The following SEC24A variants were observed in gnomAD, a reference collection of about 807,000 sequenced individuals.
The protein encoded by SEC24A is protein transport protein Sec24A.
A neutral mutation model predicts 129.4 loss-of-function variants in SEC24A; 93 were observed. The ratio of observed to expected loss-of-function variants is 0.72; its 90% CI spans 0.61 to 0.85. SEC24A has a LOEUF of 0.85. SEC24A is among the 40% of genes least tolerant of loss of function. The pLI, the probability that SEC24A is intolerant of heterozygous loss-of-function variation, is 0.00. For synonymous variants in SEC24A, 460 were observed against 467.3 expected, an observed-to-expected ratio of 0.98 and a Z score of 0.20; for missense variants, 1,264 against 1,307.4, an observed-to-expected ratio of 0.97 and a Z score of 0.51.
chr5:134,669,042 A>AG (rs1338232180), intron 3 of SEC24A, among the ~76,000 whole-genome samples: 7 of 151,636 alleles, frequency 4.6e-5, no homozygotes, highest in Non-Finnish European at 8.8e-5. Context: ...ACAGTACTCC[A>AG]GCCTGGGTGA....
At position 134,702,758 on chromosome 5, in the gene SEC24A, TTTG is replaced by T. The variant is rs200426704; in HGVS notation, c.2267-983_2267-981del. On this transcript the variant is annotated intron_variant, in intron 15 of 22. Transcript: ENST00000398844. ...CAAATCACAGTTTAGTTTTTGTTTG[TTTG>T]TTGTTGTTGTTGTTGTTTTTTGAGA... is the stretch of plus-strand genomic sequence containing the variant. 8.5e-3 allele frequency among the ~76,000 whole-genome samples: 1,288 copies of T among 152,076 alleles called. 11 individuals are homozygous for T. Among genetic ancestry groups the T allele is most frequent in the African/African-American group, 0.029 (1,204 of 41,490 alleles).
chr5:134,718,913 T>C (rs1482552831), intron 20 of SEC24A, among the ~76,000 whole-genome samples: 1 of 148,742 alleles, frequency 6.7e-6, no homozygotes, highest in African/African-American at 2.5e-5. Flanking sequence ...GAGGTTGCAG[T>C]GAGCCAAGAT....
chr5:134,703,605 T>C (rs1238163870), intron 15 of SEC24A, among the ~76,000 whole-genome samples, 154 bp from the exon 16 acceptor site: 3 of 152,218 alleles, frequency 2.0e-5, no homozygotes, highest in Non-Finnish European at 2.9e-5. Context: ...CCCACCTTCA[T>C]TTCAAAAGCC....
Position 134,675,026 on chromosome 5 carries a change from TA to T in SEC24A, c.979-15del. The T allele has an allele frequency of 6.5e-7, 1 of 1,546,660 alleles. No individual in the cohort carries two copies. The highest frequency in any genetic ancestry group is 8.7e-7 in the Non-Finnish European group (1 of 1,142,910). ...CACACTTAATAAAAGTTACTTACTT[TA>T]AAATTATGTATCTGTAGACTCCCTT... On this transcript the variant is annotated intron_variant, in intron 5 of 22. Coordinates refer to ENST00000398844, the MANE Select transcript of SEC24A (RefSeq NM_021982.3).
intron 13 of SEC24A, among the ~76,000 whole-genome samples, chr5:134,696,697 A>C (rs1335799035): frequency 6.6e-6 from 1 of 151,818 alleles, no homozygotes; most frequent in African/African-American, 2.4e-5. Context: ...ACGGGGTTTC[A>C]CCATGTTAGC....
intron 17 of SEC24A, among the ~76,000 whole-genome samples, chr5:134,705,801 C>G (rs529047356): frequency 1.3e-5 from 2 of 152,078 alleles, no homozygotes; most frequent in Non-Finnish European, 2.9e-5. Flanking sequence ...ACTTCTTCCT[C>G]CCTCCCTTAC....
At chr5:134,663,547 G>A (rs188614198) in intron 2 of SEC24A, among the ~76,000 whole-genome samples, 8 of 152,306 alleles carry the variant, frequency 5.3e-5, no homozygotes, top group East Asian at 3.9e-4. Context: ...GCCAGGCGTG[G>A]TGGCTCACGC....
chr5:134,718,290 A>G (rs1479302515), intron 20 of SEC24A, 117 bp downstream of exon 20: 2 of 730,228 alleles, frequency 2.7e-6, no homozygotes, highest in Admixed American at 2.2e-5. Flanking sequence ...ATTTTAACCT[A>G]TATACAGTCG....
At chr5:134,662,298 G>C (rs1750497867) in intron 2 of SEC24A, among the ~76,000 whole-genome samples, 1 of 152,012 alleles carries the variant, frequency 6.6e-6, no homozygotes, top group African/African-American at 2.4e-5. Context: ...GGGACTACAG[G>C]TGCCCGCCAC....
chr5:134,670,645 C>A (rs1750822934), intron 3 of SEC24A, among the ~76,000 whole-genome samples: 1 of 152,162 alleles, frequency 6.6e-6, no homozygotes, highest in African/African-American at 2.4e-5. Flanking sequence ...TGTTCTAATT[C>A]ATTTATGTCA....
intron 13 of SEC24A, 116 bp downstream of exon 13, chr5:134,694,049 G>A: frequency 1.3e-6 from 1 of 799,966 alleles, no homozygotes; most frequent in Non-Finnish European, 2.0e-6. Flanking sequence ...GGACTATAAG[G>A]AAGTTAACTT....
Position 134,723,662 on chromosome 5 carries a change from T to G in SEC24A, c.3159T>G (p.Tyr1053Ter). The G allele has an allele frequency of 1.3e-6, 2 of 1,589,006 alleles. No homozygotes were observed. The highest frequency in any genetic ancestry group is 1.7e-6 in the Non-Finnish European group (2 of 1,157,924). Residue 1053 changes from tyrosine to a stop codon, truncating the protein, a stop_gained, in exon 22 of 23, where the codon TAT becomes TAG. Transcript: ENST00000398844. LOFTEE classifies it high-confidence loss of function. The part of the protein sequence containing the change: ...REQRPFFPIL[Y>*]VIRDESPMKA... The stretch of plus-strand genomic sequence containing the variant: ...AGAGACCATTTTTCCCAATACTTTA[T>G]GTAATAAGGTAAGTTGAATTTTCCA...
At chr5:134,654,327 T>A (rs1166358621) in intron 1 of SEC24A, among the ~76,000 whole-genome samples, 2 of 151,750 alleles carry the variant, frequency 1.3e-5, no homozygotes, top group Non-Finnish European at 2.9e-5. Flanking sequence ...GTTCAAGTGA[T>A]TCTCCTGCCT....
Position 134,721,192 on chromosome 5 carries a change from C to A in SEC24A, c.3063+102C>A, listed in dbSNP as rs765143530. 27 of 693,184 alleles carry A rather than the reference C, an allele frequency of 3.9e-5. No homozygotes were observed. The South Asian group carries it at 4.5e-4, about 11-fold the overall frequency. 42.9% of individuals were successfully genotyped at this position (693,184 alleles called of 1,614,324 possible). ...TCAGAAAATAATAACAAAATCATAC[C>A]AAAAATTTTTATTGATGGGTTTTCA... On this transcript the variant is annotated intron_variant, in intron 21 of 22. Transcript: ENST00000398844.
Position 134,680,200 on chromosome 5 carries a change from T to A in SEC24A, c.1381+472T>A, listed in dbSNP as rs115061445. Among the ~76,000 whole-genome samples, 1,159 of 152,352 alleles carry A rather than the reference T, an allele frequency of 7.6e-3. 8 individuals are homozygous for A. The highest frequency in any genetic ancestry group is 0.012 in the South Asian group (58 of 4,830). ...GGAGGAGGAGATTTCTCTCAATAACTATGTCACAGTTTTTATTTGAGGACT... is the reference window on the plus strand; with the variant it reads ...GGAGGAGGAGATTTCTCTCAATAACAATGTCACAGTTTTTATTTGAGGACT... On this transcript the variant is annotated intron_variant, in intron 8 of 22. Transcript: ENST00000398844.
intron 9 of SEC24A, among the ~76,000 whole-genome samples, chr5:134,685,151 C>T (rs185547390): frequency 9.2e-4 from 140 of 152,068 alleles, no homozygotes; most frequent in African/African-American, 3.3e-3. Context: ...AGGAGGATTG[C>T]TTGAAGCCAA....
chr5:134,675,272 A>AG, intron 6 of SEC24A, 55 bp downstream of exon 6: 2 of 1,362,968 alleles, frequency 1.5e-6, no homozygotes, highest in Non-Finnish European at 2.1e-6. Flanking sequence ...AGCTTTTTGC[A>AG]GGGGGCACAT....
Position 134,675,033 on chromosome 5 carries a change from A to G in SEC24A, c.979-12A>G. On this transcript the variant is annotated splice_polypyrimidine_tract_variant and intron_variant, in intron 5 of 22. Coordinates refer to ENST00000398844, the MANE Select transcript of SEC24A (RefSeq NM_021982.3). ...AATAAAAGTTACTTACTTTAAAATTATGTATCTGTAGACTCCCTTAGGTGC... is the reference window on the plus strand; with the variant it reads ...AATAAAAGTTACTTACTTTAAAATTGTGTATCTGTAGACTCCCTTAGGTGC... The G allele has an allele frequency of 6.4e-7, 1 of 1,552,340 alleles. No individual in the cohort carries two copies. The highest frequency in any genetic ancestry group is 8.7e-7 in the Non-Finnish European group (1 of 1,146,450).
chr5:134,716,640 A>T (rs962118218), intron 19 of SEC24A, among the ~76,000 whole-genome samples: 23 of 151,344 alleles, frequency 1.5e-4, no homozygotes, highest in African/African-American at 5.3e-4. Context: ...TCTACTAAAA[A>T]TACAAAAATT....
Sources: gnomAD v4.1 joint callset for allele counts (sites outside exome capture counted in the v4.1 genomes callset) on GRCh38, gnomAD v4.1.1 for gene constraint, MANE v1.5 for transcripts, NCBI Gene and HGNC (gene_info 2026-07-23, HGNC 2026-07-21) for gene names.